The following FARSB variants were observed in gnomAD, a reference collection of about 807,000 sequenced individuals.
The protein encoded by FARSB is phenylalanyl-tRNA synthetase subunit beta.
Under a neutral mutation model 69.6 loss-of-function variants are expected in FARSB, and 40 were observed. That is an observed-to-expected ratio of 0.57 (90% confidence interval 0.45 to 0.75). FARSB has a LOEUF of 0.75. Among genes scored for constraint, FARSB ranks in the 30% least tolerant of loss-of-function variants. FARSB has a pLI of 0.00. For missense variants in FARSB, 632 were observed against 722.9 expected (o/e 0.87, Z 1.44); for synonymous variants, 235 against 247.2 (o/e 0.95, Z 0.46).
intron 1 of FARSB, among the ~76,000 whole-genome samples, chr2:222,650,700 T>A (rs900330841): frequency 5.9e-5 from 9 of 152,164 alleles, no homozygotes; most frequent in African/African-American, 2.2e-4. Context: ...CTGTGTGAAC[T>A]GAGGTCTGCA....
intron 5 of FARSB, among the ~76,000 whole-genome samples, chr2:222,636,184 A>C (rs1691577285): frequency 1.3e-5 from 2 of 151,960 alleles, no homozygotes; most frequent in Admixed American, 6.6e-5. Flanking sequence ...AGGCAGGTGG[A>C]TCACAAGGTC....
In FARSB at chr2:222,567,420, C is replaced by G. The variant is rs181828340; in HGVS notation, c.*4451G>C. Reference sequence around the variant, plus strand: ...GGACAGAAGGGCCAAAGTAAATACTCAAGTATTAGGGTTAGTGATGTTATA... The same window carrying G: ...GGACAGAAGGGCCAAAGTAAATACTGAAGTATTAGGGTTAGTGATGTTATA... On this transcript the variant is annotated 3_prime_UTR_variant, in exon 17 of 17. Coordinates refer to ENST00000281828, the MANE Select transcript of FARSB (RefSeq NM_005687.5). 1.1e-4 allele frequency: 17 copies of G among 152,246 alleles called. No individual in the cohort carries two copies. Among genetic ancestry groups the G allele is most frequent in the Non-Finnish European group, 1.5e-5 (1 of 68,030 alleles). 9.4% of individuals were successfully genotyped at this position (152,246 alleles called of 1,614,324 possible).
intron 10 of FARSB, among the ~76,000 whole-genome samples, chr2:222,627,203 A>G (rs12151627): frequency 0.28 from 42,691 of 152,166 alleles, 7,173 homozygotes; most frequent in Non-Finnish European, 0.38. Flanking sequence ...TGACACTGCC[A>G]ATCTTCCAAT....
chr2:222,648,524 G>T (rs1231441476), intron 2 of FARSB, among the ~76,000 whole-genome samples: 2 of 152,188 alleles, frequency 1.3e-5, no homozygotes, highest in African/African-American at 4.8e-5. Context: ...TGGTAACAAG[G>T]TGATTGTAGA....
At chr2:222,653,136 G>C (rs1351599884) in intron 1 of FARSB, among the ~76,000 whole-genome samples, 1 of 152,198 alleles carries the variant, frequency 6.6e-6, no homozygotes, top group Non-Finnish European at 1.5e-5. Context: ...CAGTTAACAA[G>C]AAAAGGAGTG....
chr2:222,582,555 A>G (rs114424142), intron 16 of FARSB, among the ~76,000 whole-genome samples: 538 of 152,376 alleles, frequency 3.5e-3, no homozygotes, highest in African/African-American at 0.012. Flanking sequence ...GCTGCTTTCA[A>G]TAATCATATT....
chr2:222,578,824 C>CA (rs536067546), intron 16 of FARSB, among the ~76,000 whole-genome samples: 2 of 148,218 alleles, frequency 1.3e-5, no homozygotes, highest in Admixed American at 6.9e-5. Flanking sequence ...CTAAAAAATA[C>CA]AAAAAAAATT....
Position 222,639,617 on chromosome 2 carries a change from T to A in FARSB, c.418A>T (p.Ile140Phe), listed in dbSNP as rs1476724047. ...KFTKDRYDSF[I>F]ELQEKLHQNI... The stretch of plus-strand genomic sequence containing the variant: ...TGATGTAATTTCTCCTGAAGTTCAA[T>A]GAAGCTGTCATATCGATCTTTAGTA... Residue 140 changes from isoleucine to phenylalanine, a missense_variant, in exon 5 of 17, where the codon ATT becomes TTT. Physicochemically the swap from Ile to Phe is conservative, Grantham distance 21. Coordinates refer to ENST00000281828, the MANE Select transcript of FARSB (RefSeq NM_005687.5). 6.3e-7 allele frequency: 1 copy of A among 1,593,714 alleles called. No homozygotes were observed. Among genetic ancestry groups the A allele is most frequent in the Admixed American group, 1.7e-5 (1 of 58,464 alleles).
rs140654566 is a variant in FARSB, at chr2:222,595,579, C to T, written c.1618+4349G>A. Reference sequence around the variant, plus strand: ...GAATTGTCAAAACTAAAGTTCTAAACCTTTTGTCTCTCCAACAGGGATCTT... The same window carrying T: ...GAATTGTCAAAACTAAAGTTCTAAATCTTTTGTCTCTCCAACAGGGATCTT... On this transcript the variant is annotated intron_variant, in intron 16 of 16. Transcript: ENST00000281828. Among the ~76,000 whole-genome samples, 221 of 152,270 alleles carry T rather than the reference C, an allele frequency of 1.5e-3. 1 individual carries two copies. Among genetic ancestry groups the T allele is most frequent in the Admixed American group, 0.013 (193 of 15,294 alleles).
At chr2:222,604,134 C>T (rs565845686) in intron 15 of FARSB, among the ~76,000 whole-genome samples, 18 of 151,204 alleles carry the variant, frequency 1.2e-4, no homozygotes, top group East Asian at 9.7e-4. Flanking sequence ...AGGAGAATGG[C>T]GTGAACCCGG....
chr2:222,617,587 T>C (rs1251413245), intron 14 of FARSB, among the ~76,000 whole-genome samples: 1 of 152,174 alleles, frequency 6.6e-6, no homozygotes, highest in Non-Finnish European at 1.5e-5. Context: ...GAATCTAAAA[T>C]AAAAGTTGAC....
chr2:222,600,161 G>GA, intron 15 of FARSB, 78 bp from the exon 16 acceptor site: 1 of 1,212,236 alleles, frequency 8.2e-7, no homozygotes, highest in Non-Finnish European at 1.1e-6. Context: ...TACAAACTTA[G>GA]AAAAAGTCAA....
At chr2:222,576,587 T>C (rs1161400181) in intron 16 of FARSB, among the ~76,000 whole-genome samples, 2 of 152,176 alleles carry the variant, frequency 1.3e-5, no homozygotes, top group African/African-American at 4.8e-5. Context: ...AGTAATTATG[T>C]ACTATGGAGT....
In FARSB at chr2:222,624,736, T is replaced by G; in HGVS notation, c.940A>C (p.Ile314Leu). The G allele has an allele frequency of 6.2e-7, 1 of 1,606,394 alleles. No individual in the cohort carries two copies. Among genetic ancestry groups the G allele is most frequent in the Non-Finnish European group, 8.5e-7 (1 of 1,175,654 alleles). The change falls in exon 11 of 17, where the codon ATT becomes CTT. Residue 314 changes from isoleucine to leucine, a missense_variant. By Grantham distance (5) the Ile-to-Leu change is conservative. Coordinates refer to ENST00000281828, the MANE Select transcript of FARSB (RefSeq NM_005687.5). ...YRKEMVRADL[I>L]NKKVGIRETP... The stretch of plus-strand genomic sequence containing the variant: ...TACCTGATTCCAACTTTTTTGTTAA[T>G]TAGGTCAGCTCTCACCATCTCCTTT...
chr2:222,577,964 G>C (rs1689877434), intron 16 of FARSB, among the ~76,000 whole-genome samples: 1 of 152,134 alleles, frequency 6.6e-6, no homozygotes, highest in African/African-American at 2.4e-5. Flanking sequence ...AGGAGGTCAG[G>C]AATGTTGGAA....
intron 16 of FARSB, among the ~76,000 whole-genome samples, chr2:222,577,591 C>T (rs1321996252): frequency 6.6e-6 from 1 of 152,186 alleles, no homozygotes; most frequent in Non-Finnish European, 1.5e-5. Context: ...GGACAGGATC[C>T]TGTAGGACCT....
Position 222,623,693 on chromosome 2 carries a change from T to C in FARSB, c.1208A>G (p.Asp403Gly). The change falls in exon 13 of 17, where the codon GAC becomes GGC. Residue 403 changes from aspartate (D) to glycine (G), a missense_variant. Physicochemically the swap from Asp to Gly is moderately conservative, Grantham distance 94. Coordinates refer to ENST00000281828, the MANE Select transcript of FARSB (RefSeq NM_005687.5). ...LNKLTELLRH[D>G]MAAAGFTEAL... The stretch of plus-strand genomic sequence containing the variant: ...TTCAGTGAAGCCAGCGGCTGCCATG[T>C]CATGTCGGAGAAGTTCAGTGAGCTT... 6.2e-7 allele frequency: 1 copy of C among 1,612,650 alleles called. No homozygotes were observed.
intron 16 of FARSB, among the ~76,000 whole-genome samples, chr2:222,583,544 C>A (rs1690025963): frequency 6.6e-6 from 1 of 152,146 alleles, no homozygotes; most frequent in South Asian, 2.1e-4. Flanking sequence ...TACAAAATAA[C>A]TGGCCTGTAA....
At chr2:222,627,805 G>C (rs1691315644) in intron 10 of FARSB, among the ~76,000 whole-genome samples, 1 of 152,178 alleles carries the variant, frequency 6.6e-6, no homozygotes, top group Non-Finnish European at 1.5e-5. Flanking sequence ...TTCATCTACT[G>C]TAAAAGCTAT....
Sources: gnomAD v4.1 joint callset for allele counts (sites outside exome capture counted in the v4.1 genomes callset) on GRCh38, gnomAD v4.1.1 for gene constraint, MANE v1.5 for transcripts, NCBI Gene and HGNC (gene_info 2026-07-23, HGNC 2026-07-21) for gene names.